Variants in KLHL1 observed in about 807,000 individuals in gnomAD.
KLHL1 encodes kelch like family member 1, also known as kelch-like protein 1.
In KLHL1, 47 loss-of-function variants were observed where a neutral mutation model predicts 77.7. That is an observed-to-expected ratio of 0.60 (90% CI 0.48 to 0.77). KLHL1 has a LOEUF of 0.77. Among genes scored for constraint, KLHL1 ranks in the 30% least tolerant of loss-of-function variants. KLHL1 has a pLI of 0.00. For missense variants in KLHL1, 925 were observed against 910.8 expected (o/e 1.02, Z -0.20); for synonymous variants, 360 against 325.2 (o/e 1.11, Z -1.15).
chr13:69,797,786 G>A (rs1185645908), intron 6 of KLHL1, among the ~76,000 whole-genome samples: 19 of 147,140 alleles, frequency 1.3e-4, no homozygotes, highest in African/African-American at 4.3e-4. Context: ...CAGAGATCGC[G>A]CCACTGCACC....
At chr13:70,036,396 G>C (rs1886239487) in intron 1 of KLHL1, among the ~76,000 whole-genome samples, 1 of 151,846 alleles carries the variant, frequency 6.6e-6, no homozygotes, top group South Asian at 2.1e-4. Flanking sequence ...ATTACCTTTT[G>C]TAGTTTATTC....
intron 1 of KLHL1, among the ~76,000 whole-genome samples, chr13:70,041,825 T>G (rs1886385749): frequency 6.6e-6 from 1 of 152,080 alleles, no homozygotes; most frequent in Non-Finnish European, 1.5e-5. Flanking sequence ...ATTGCCACAC[T>G]GGGATAGAAT....
intron 4 of KLHL1, among the ~76,000 whole-genome samples, chr13:69,902,696 A>AT (rs1287903180): frequency 1.4e-5 from 2 of 147,436 alleles, no homozygotes; most frequent in Non-Finnish European, 3.0e-5. Flanking sequence ...ATAGGTGGGA[A>AT]TTAAACAATG....
intron 8 of KLHL1, among the ~76,000 whole-genome samples, chr13:69,730,567 A>G (rs535548900): frequency 1.6e-4 from 24 of 151,644 alleles, no homozygotes; most frequent in African/African-American, 5.6e-4. Flanking sequence ...CATCCAAGAG[A>G]ACATCCATTC....
Position 69,925,819 on chromosome 13 carries a change from T to C in KLHL1, c.1014+14221A>G, listed in dbSNP as rs115826868. 7.6e-3 allele frequency among the ~76,000 whole-genome samples: 1,151 copies of C among 152,310 alleles called. 15 individuals are homozygous for C. The highest frequency in any genetic ancestry group is 0.024 in the African/African-American group (995 of 41,572). Reference sequence around the variant, plus strand: ...CATGTTGTTACTCTCATTCATGAGATAAATATGAGATAAATAATTTAGCTT... The same window carrying C: ...CATGTTGTTACTCTCATTCATGAGACAAATATGAGATAAATAATTTAGCTT... On this transcript the variant is annotated intron_variant, in intron 4 of 10. Coordinates refer to ENST00000377844, the MANE Select transcript of KLHL1 (RefSeq NM_020866.3).
At chr13:69,884,426 CA>C (rs60883710) in intron 4 of KLHL1, among the ~76,000 whole-genome samples, 3,583 of 64,920 alleles carry the variant, frequency 0.055, 78 homozygotes, top group African/African-American at 0.12. Context: ...TCAGATTTTT[CA>C]AAAAAAAAAA....
chr13:69,813,503 C>CACACATATATAT (rs34163072), intron 6 of KLHL1, among the ~76,000 whole-genome samples: 2 of 148,840 alleles, frequency 1.3e-5, no homozygotes, highest in African/African-American at 5.0e-5. Context: ...CACACACACA[C>CACACATATATAT]ATATATATAT....
At chr13:69,729,116 T>C (rs1412760102) in intron 8 of KLHL1, among the ~76,000 whole-genome samples, 1 of 152,128 alleles carries the variant, frequency 6.6e-6, no homozygotes, top group African/African-American at 2.4e-5. Context: ...CTGTCTATAT[T>C]GTTTGGGGAA....
chr13:69,834,267 G>A (rs1323033495), intron 6 of KLHL1, among the ~76,000 whole-genome samples: 1 of 151,090 alleles, frequency 6.6e-6, no homozygotes, highest in East Asian at 1.9e-4. Context: ...TAAATTGGGG[G>A]GAGAAAAAAT....
intron 6 of KLHL1, among the ~76,000 whole-genome samples, chr13:69,822,096 G>A (rs1229540018): frequency 6.6e-6 from 1 of 151,470 alleles, no homozygotes; most frequent in African/African-American, 2.4e-5. Flanking sequence ...CTACTTGGGA[G>A]GCTGAGGCAG....
intron 7 of KLHL1, among the ~76,000 whole-genome samples, chr13:69,742,020 A>T (rs1459323442): frequency 6.6e-6 from 1 of 151,756 alleles, no homozygotes; most frequent in Admixed American, 6.6e-5. Flanking sequence ...GTTCCCCAAA[A>T]CTCTACCACC....
At chr13:70,101,617 T>G (rs1887925478) in intron 1 of KLHL1, among the ~76,000 whole-genome samples, 1 of 151,932 alleles carries the variant, frequency 6.6e-6, no homozygotes, top group African/African-American at 2.4e-5. Flanking sequence ...TTAGTAGAGA[T>G]GGGGTTTCAC....
chr13:69,878,325 T>G (rs1402209661), intron 5 of KLHL1, among the ~76,000 whole-genome samples: 2 of 152,160 alleles, frequency 1.3e-5, no homozygotes, highest in Non-Finnish European at 2.9e-5. Context: ...GTCAGTGTTT[T>G]GTTATGTTTT....
In KLHL1 at chr13:69,807,276, T is replaced by C. The variant is rs117922685; in HGVS notation, c.1415-10314A>G. Among the ~76,000 whole-genome samples the C allele has an allele frequency of 5.5e-3, 842 of 152,134 alleles. 4 individuals are homozygous for C. Among genetic ancestry groups the C allele is most frequent in the Middle Eastern group, 0.014 (4 of 294 alleles). On this transcript the variant is annotated intron_variant, in intron 6 of 10. Transcript: ENST00000377844. ...TGCCCTACCCTCTCCAGGCTCAAGATACTATTTTGAGAGTTTAATGCTGGA... is the reference window on the plus strand; with the variant it reads ...TGCCCTACCCTCTCCAGGCTCAAGACACTATTTTGAGAGTTTAATGCTGGA...
rs372467598 is a variant in KLHL1 at position 69,881,521 on chromosome 13, A to G, written c.1227+762T>C. On this transcript the variant is annotated intron_variant, in intron 5 of 10. Transcript: ENST00000377844. The stretch of plus-strand genomic sequence containing the variant: ...AGAAGTTAGGGTCACCTTCAAGCTT[A>G]TTTTTGGATAACTTTACCAGCCAGA... Among the ~76,000 whole-genome samples, 17 of 152,270 alleles carry G rather than the reference A, an allele frequency of 1.1e-4. No individual in the cohort carries two copies. In the East Asian group the frequency reaches 2.9e-3, roughly 26 times the overall value.
At chr13:69,863,080 G>A (rs1234127011) in intron 5 of KLHL1, among the ~76,000 whole-genome samples, 4 of 152,066 alleles carry the variant, frequency 2.6e-5, no homozygotes, top group Non-Finnish European at 4.4e-5. Flanking sequence ...TTACTAAAAT[G>A]TTTTTATTCC....
At chr13:69,892,448 G>A (rs1464756037) in intron 4 of KLHL1, among the ~76,000 whole-genome samples, 3 of 152,114 alleles carry the variant, frequency 2.0e-5, no homozygotes, top group Admixed American at 2.0e-4. Context: ...AAGTTGTAAT[G>A]CAAGATAGCC....
intron 4 of KLHL1, among the ~76,000 whole-genome samples, chr13:69,908,829 G>C (rs1882134225): frequency 6.6e-6 from 1 of 150,936 alleles, no homozygotes; most frequent in African/African-American, 2.4e-5. Flanking sequence ...CAGTAATGTA[G>C]AGTTTATTAT....
chr13:69,841,551 T>C (rs1879261845), intron 5 of KLHL1, among the ~76,000 whole-genome samples: 1 of 151,430 alleles, frequency 6.6e-6, no homozygotes, highest in South Asian at 2.1e-4. Context: ...ATGAAAGAAA[T>C]TGAAGATAAC....
Sources: gnomAD v4.1 joint callset for allele counts (sites outside exome capture counted in the v4.1 genomes callset) on GRCh38, gnomAD v4.1.1 for gene constraint, MANE v1.5 for transcripts, NCBI Gene and HGNC (gene_info 2026-07-23, HGNC 2026-07-21) for gene names.